The following C9orf153 variants were observed in gnomAD, a reference collection of about 807,000 sequenced individuals.
The protein encoded by C9orf153 is chromosome 9 open reading frame 153, also known as uncharacterized protein C9orf153.
A neutral mutation model predicts 9.0 loss-of-function variants in C9orf153; 10 were observed. The observed-to-expected ratio is 1.11, with a 90% CI of 0.69 to 1.89. The LOEUF (loss-of-function observed/expected upper bound fraction) is 1.89, where lower values mean the gene tolerates loss of function less well. Ranked by LOEUF, C9orf153 falls within the 40% of genes most tolerant of loss-of-function variation. The probability of loss-of-function intolerance (pLI) is 0.00; values close to 1 mark genes in which losing one functional copy is unlikely to be tolerated. For missense variants in C9orf153, 108 were observed against 111.0 expected (o/e 0.97, Z 0.12); for synonymous variants, 35 against 37.3 (o/e 0.94, Z 0.23).
chr9:86,252,391 G>T lies in C9orf153; in HGVS notation c.-27+7159C>A, dbSNP rs538659282. On this transcript the variant is annotated intron_variant, in intron 1 of 3. Transcript: ENST00000339137. Reference sequence around the variant, plus strand: ...AGTCTCCTCTCCACCAAAAAGTAAAGATTTTTGCTTTTTGAAATCTTTAAA... The same window carrying T: ...AGTCTCCTCTCCACCAAAAAGTAAATATTTTTGCTTTTTGAAATCTTTAAA... Among the ~76,000 whole-genome samples, 5 of 152,282 alleles carry T rather than the reference G, an allele frequency of 3.3e-5. No homozygotes were observed. In the South Asian group the frequency reaches 1.0e-3, roughly 32 times the overall value.
intron 1 of C9orf153, among the ~76,000 whole-genome samples, chr9:86,230,694 T>C (rs796916543): frequency 5.3e-5 from 8 of 152,360 alleles, no homozygotes; most frequent in Admixed American, 3.3e-4. Context: ...AAAAGTGTTT[T>C]TTATTCAGGA....
chr9:86,249,463 T>C (rs1199806401), intron 1 of C9orf153, among the ~76,000 whole-genome samples: 4 of 152,130 alleles, frequency 2.6e-5, no homozygotes, highest in Non-Finnish European at 5.9e-5. Flanking sequence ...TCAAAAGCAG[T>C]AAACTAGCTC....
chr9:86,223,361 C>A (rs751178735), intron 3 of C9orf153, among the ~76,000 whole-genome samples: 1 of 151,956 alleles, frequency 6.6e-6, no homozygotes, highest in Admixed American at 6.5e-5. Flanking sequence ...ACAGCTACTC[C>A]GGAGGCTGAT....
At position 86,242,658 on chromosome 9, in the gene C9orf153, T is replaced by C. The variant is rs189480921; in HGVS notation, c.-26-13029A>G. On this transcript the variant is annotated intron_variant, in intron 1 of 3. Coordinates refer to ENST00000339137, the MANE Select transcript of C9orf153 (RefSeq NM_001276366.4). ...TGAGAATTTATGCATAGTTGTGAATTCACAGAGCATCCTCTGGAAGGACGC... is the reference window on the plus strand; with the variant it reads ...TGAGAATTTATGCATAGTTGTGAATCCACAGAGCATCCTCTGGAAGGACGC... 3.7e-3 allele frequency among the ~76,000 whole-genome samples: 570 copies of C among 152,290 alleles called. 2 individuals carry two copies. Among genetic ancestry groups the C allele is most frequent in the Non-Finnish European group, 6.2e-3 (423 of 68,024 alleles).
In C9orf153 at chr9:86,221,168, TATG is replaced by T. The variant is rs1249693757; in HGVS notation, c.*517_*519del. The T allele has an allele frequency of 6.6e-6, 1 of 152,384 alleles. No homozygotes were observed. Among genetic ancestry groups the T allele is most frequent in the Non-Finnish European group, 1.5e-5 (1 of 68,172 alleles). The allele number at this position is 152,384 out of a possible 1,614,324, so 9.4% of individuals were successfully genotyped here. A position where few individuals can be genotyped will look rare whatever the true frequency, so the allele number is the denominator to read the frequency against. ...TGTTTGTTGAATGTACCAAATACTTTATGATGATGAACTTCCTTGTGTGCTTAA... is the reference window on the plus strand; with the variant it reads ...TGTTTGTTGAATGTACCAAATACTTTATGATGAACTTCCTTGTGTGCTTAA... On this transcript the variant is annotated 3_prime_UTR_variant, in exon 4 of 4. Coordinates refer to ENST00000339137, the MANE Select transcript of C9orf153 (RefSeq NM_001276366.4).
chr9:86,221,566 T>C lies in C9orf153; in HGVS notation c.*122A>G, dbSNP rs184347785. The C allele has an allele frequency of 1.6e-3, 2,141 of 1,366,002 alleles. 3 individuals carry two copies. Among genetic ancestry groups the C allele is most frequent in the Middle Eastern group, 2.1e-3 (11 of 5,248 alleles). 84.6% of individuals were successfully genotyped at this position (1,366,002 alleles called of 1,614,324 possible). ...ATTTGAGGATAAATGACCAAAGACTTGCGAACTATAGGGGGGAAAATAACG... is the reference window on the plus strand; with the variant it reads ...ATTTGAGGATAAATGACCAAAGACTCGCGAACTATAGGGGGGAAAATAACG... On this transcript the variant is annotated 3_prime_UTR_variant, in exon 4 of 4. Transcript: ENST00000339137.
chr9:86,229,404 A>T (rs1429437142), intron 2 of C9orf153, 134 bp downstream of exon 2: 7 of 597,406 alleles, frequency 1.2e-5, no homozygotes, highest in African/African-American at 5.7e-5. Flanking sequence ...AAGAATGTTA[A>T]GTCATTAAAG....
intron 1 of C9orf153, among the ~76,000 whole-genome samples, chr9:86,236,548 CAAAAAAAAAAAA>C (rs976982879): frequency 1.5e-5 from 1 of 65,370 alleles, no homozygotes. Context: ...GACTCCATCT[CAAAAAAAAAAAA>C]AAAAAAAGAA....
At chr9:86,225,384 T>C (rs1824300861) in intron 3 of C9orf153, among the ~76,000 whole-genome samples, 1 of 149,988 alleles carries the variant, frequency 6.7e-6, no homozygotes, top group Non-Finnish European at 1.5e-5. Context: ...CCTTCTTTCT[T>C]TCGTTTCTTT....
Position 86,228,032 on chromosome 9 carries a change from TGTG to T in C9orf153, c.67-5_67-3del. The T allele has an allele frequency of 6.3e-7, 1 of 1,578,710 alleles. No homozygotes were observed. The highest frequency in any genetic ancestry group is 1.9e-5 in the Admixed American group (1 of 53,206). ...AATACATGCATATAATTCTGGAAGC[TGTG>T]GACAAAAAAAAAAGTGGTAAGTCAC... On this transcript the variant is annotated splice_polypyrimidine_tract_variant and splice_region_variant and intron_variant, in intron 2 of 3. Transcript: ENST00000339137.
rs1006052371 is a variant in C9orf153, at chr9:86,242,747, T to C, written c.-26-13118A>G. Among the ~76,000 whole-genome samples the C allele has an allele frequency of 2.6e-5, 4 of 152,156 alleles. No homozygotes were observed. The East Asian group carries it at 7.7e-4, about 29-fold the overall frequency. The stretch of plus-strand genomic sequence containing the variant: ...AGGCTGGATTGCAGTGGTGCAATCT[T>C]GGCTCACTGCAACTTCCACCTCCCG... On this transcript the variant is annotated intron_variant, in intron 1 of 3. Coordinates refer to ENST00000339137, the MANE Select transcript of C9orf153 (RefSeq NM_001276366.4).
At chr9:86,242,073 T>C (rs891771151) in intron 1 of C9orf153, among the ~76,000 whole-genome samples, 49 of 151,788 alleles carry the variant, frequency 3.2e-4, no homozygotes, top group Admixed American at 4.6e-4. Context: ...TGATGGAGGG[T>C]TGCAACTTTA....
chr9:86,246,303 C>T (rs1029555539), intron 1 of C9orf153, among the ~76,000 whole-genome samples: 2 of 152,116 alleles, frequency 1.3e-5, no homozygotes, highest in African/African-American at 4.8e-5. Context: ...CAATCGCATG[C>T]CATTGATTTC....
chr9:86,235,743 A>AAT (rs1342306282), intron 1 of C9orf153, among the ~76,000 whole-genome samples: 1 of 94,884 alleles, frequency 1.1e-5, no homozygotes, highest in East Asian at 3.7e-4. Flanking sequence ...CTCCATCTCA[A>AAT]AAAAAAAAAA....
rs148578639 is a variant in C9orf153 at position 86,230,595 on chromosome 9, C to T, written c.-26-966G>A. On this transcript the variant is annotated intron_variant, in intron 1 of 3. Transcript: ENST00000339137. ...GGATTACAGGTGTGGGCCACCACGC[C>T]CAGCTGGATAGTTTTATTTTCTTGT... 5.9e-3 allele frequency among the ~76,000 whole-genome samples: 900 copies of T among 152,330 alleles called. 3 individuals are homozygous for T. Among genetic ancestry groups the T allele is most frequent in the Admixed American group, 9.9e-3 (151 of 15,308 alleles).
chr9:86,248,305 T>C (rs1219810560), intron 1 of C9orf153, among the ~76,000 whole-genome samples: 3 of 152,080 alleles, frequency 2.0e-5, no homozygotes, highest in Non-Finnish European at 4.4e-5. Flanking sequence ...GGCTAATTTT[T>C]GTATTTTTAG....
At chr9:86,254,934 G>A (rs909286586) in intron 1 of C9orf153, among the ~76,000 whole-genome samples, 1 of 152,010 alleles carries the variant, frequency 6.6e-6, no homozygotes, top group African/African-American at 2.4e-5. Context: ...GTGTGGTGAT[G>A]CATGCCTGTA....
rs559234702 is a variant in C9orf153, at chr9:86,239,174, T to C, written c.-26-9545A>G. On this transcript the variant is annotated intron_variant, in intron 1 of 3. Transcript: ENST00000339137. Reference sequence around the variant, plus strand: ...TACTCAGGAGGCCGAGACAAAGGAATCACTTGAACCCGGGAGGCGGAGGTT... The same window carrying C: ...TACTCAGGAGGCCGAGACAAAGGAACCACTTGAACCCGGGAGGCGGAGGTT... Among the ~76,000 whole-genome samples the C allele has an allele frequency of 3.3e-5, 5 of 151,900 alleles. 1 individual carries two copies. Among genetic ancestry groups the C allele is most frequent in the African/African-American group, 1.2e-4 (5 of 41,394 alleles).
At position 86,230,995 on chromosome 9, in the gene C9orf153, C is replaced by T. The variant is rs577064581; in HGVS notation, c.-26-1366G>A. Among the ~76,000 whole-genome samples the T allele has an allele frequency of 2.4e-3, 367 of 152,232 alleles. 1 individual carries two copies. Among genetic ancestry groups the T allele is most frequent in the African/African-American group, 8.0e-3 (333 of 41,524 alleles). Reference sequence around the variant, plus strand: ...AGAACCCAGACCTTAAGAGGCTTTGCGGCTTTCCTACACATTCTTGGGAGC... The same window carrying T: ...AGAACCCAGACCTTAAGAGGCTTTGTGGCTTTCCTACACATTCTTGGGAGC... On this transcript the variant is annotated intron_variant, in intron 1 of 3. Coordinates refer to ENST00000339137, the MANE Select transcript of C9orf153 (RefSeq NM_001276366.4).
Sources: allele counts gnomAD v4.1 joint callset (sites outside exome capture counted in the v4.1 genomes callset), GRCh38; gene constraint gnomAD v4.1.1; transcripts MANE v1.5; gene names NCBI Gene and HGNC (gene_info 2026-07-23, HGNC 2026-07-21).